The following ERI3 variants were observed in gnomAD, a reference collection of about 807,000 sequenced individuals.
The protein encoded by ERI3 is ERI1 exoribonuclease family member 3.
ERI3 carries 18 observed loss-of-function variants against 44.4 expected under a neutral mutation model. The observed-to-expected ratio is 0.41, with a 90% CI of 0.28 to 0.60. The LOEUF is 0.60. Among genes scored for constraint, ERI3 ranks in the 20% least tolerant of loss-of-function variants. The probability of loss-of-function intolerance (pLI) is 0.36; values close to 1 mark genes in which losing one functional copy is unlikely to be tolerated. For missense variants in ERI3, 294 were observed against 435.5 expected, an observed-to-expected ratio of 0.68 and a Z score of 2.89; for synonymous variants, 183 against 164.8, an observed-to-expected ratio of 1.11 and a Z score of -0.84.
intron 2 of ERI3, among the ~76,000 whole-genome samples, chr1:44,349,101 T>C (rs1261452739): frequency 1.3e-5 from 2 of 152,168 alleles, no homozygotes; most frequent in Admixed American, 1.3e-4. Context: ...TCGATTTGCT[T>C]TACTGATGGT....
chr1:44,322,400 A>T (rs1241144050), intron 3 of ERI3, among the ~76,000 whole-genome samples: 1 of 150,724 alleles, frequency 6.6e-6, no homozygotes, highest in East Asian at 1.9e-4. Context: ...AAAAAAAAGG[A>T]GGGGGGTAGG....
intron 2 of ERI3, among the ~76,000 whole-genome samples, chr1:44,351,773 T>C (rs182494776): frequency 3.3e-5 from 5 of 152,340 alleles, no homozygotes; most frequent in Admixed American, 1.3e-4. Context: ...TTCAGCCACA[T>C]TGAACTTTCT....
At chr1:44,282,797 A>G (rs1645315962) in intron 7 of ERI3, among the ~76,000 whole-genome samples, 1 of 152,234 alleles carries the variant, frequency 6.6e-6, no homozygotes, top group Admixed American at 6.5e-5. Context: ...CACAAGGCCA[A>G]CTAGCAACAG....
chr1:44,251,077 T>C (rs1329537786), intron 7 of ERI3, among the ~76,000 whole-genome samples: 2 of 152,190 alleles, frequency 1.3e-5, no homozygotes, highest in African/African-American at 4.8e-5. Flanking sequence ...GGGTACTGCT[T>C]AGGCACAGCC....
Position 44,287,431 on chromosome 1 carries a change from C to T in ERI3, c.759-2524G>A, listed in dbSNP as rs531898877. Among the ~76,000 whole-genome samples, 23 of 152,328 alleles carry T rather than the reference C, an allele frequency of 1.5e-4. No individual in the cohort carries two copies. In the South Asian group the frequency reaches 3.5e-3, roughly 23 times the overall value. On this transcript the variant is annotated intron_variant, in intron 6 of 8. Transcript: ENST00000372257. ...GACAGATAGTAACAGAAAATTGATC[C>T]CTTTGTTTCAGGCAGTGTATAGTAA... is the stretch of plus-strand genomic sequence containing the variant.
At chr1:44,286,604 A>G (rs1375425608) in intron 6 of ERI3, among the ~76,000 whole-genome samples, 1 of 152,176 alleles carries the variant, frequency 6.6e-6, no homozygotes, top group Non-Finnish European at 1.5e-5. Flanking sequence ...AGTTTTATTG[A>G]GCTAAAATGA....
At chr1:44,344,233 C>CAATAAATAAATA (rs10652551) in intron 2 of ERI3, among the ~76,000 whole-genome samples, 191 of 142,640 alleles carry the variant, frequency 1.3e-3, no homozygotes, top group Middle Eastern at 0.011. Context: ...GACTCCATCT[C>CAATAAATAAATA]AATAAATAAA....
intron 4 of ERI3, among the ~76,000 whole-genome samples, chr1:44,318,779 A>C (rs1646141894): frequency 6.6e-6 from 1 of 152,236 alleles, no homozygotes; most frequent in South Asian, 2.1e-4. Context: ...TGAAGGCACA[A>C]AGTCTCTAAT....
At chr1:44,232,827 T>C (rs909439365) in intron 8 of ERI3, among the ~76,000 whole-genome samples, 1 of 152,212 alleles carries the variant, frequency 6.6e-6, no homozygotes, top group Non-Finnish European at 1.5e-5. Flanking sequence ...GTCTTTTAAC[T>C]AGGTACACAC....
chr1:44,221,764 T>C lies in ERI3; in HGVS notation c.932-124A>G. ...CAGGAGACACAGGCTTTAGAGAGGG[T>C]GGTCCCATCCCCTGGTGGCAGCATT... On this transcript the variant is annotated intron_variant, in intron 8 of 8. Transcript: ENST00000372257. This position sits in a 1 kb window ranked among gnomAD's most constrained non-coding sequence, Gnocchi z 5.9. The C allele has an allele frequency of 1.3e-6, 1 of 742,016 alleles. No individual in the cohort carries two copies. 46.0% of individuals were successfully genotyped at this position (742,016 alleles called of 1,614,324 possible). A position where few individuals can be genotyped will look rare whatever the true frequency, so the allele number is the denominator to read the frequency against.
At chr1:44,292,860 A>G (rs1232024753) in intron 6 of ERI3, among the ~76,000 whole-genome samples, 2 of 152,202 alleles carry the variant, frequency 1.3e-5, no homozygotes, top group Non-Finnish European at 2.9e-5. Flanking sequence ...TACCAGCATG[A>G]CAGCTGGCTC....
At chr1:44,284,711 TAAGAAAAGAGAAGAACAAA>T (rs1645356097) in intron 7 of ERI3, 105 bp downstream of exon 7, 8 of 731,176 alleles carry the variant, frequency 1.1e-5, no homozygotes, top group Non-Finnish European at 1.9e-5. Context: ...AGGATGAAGT[TAAGAAAAGAGAAGAACAAA>T]AAGAAAAAGA....
At chr1:44,237,242 A>T (rs981982951) in intron 8 of ERI3, among the ~76,000 whole-genome samples, 11 of 152,126 alleles carry the variant, frequency 7.2e-5, no homozygotes, top group Non-Finnish European at 1.5e-5. Flanking sequence ...CACCTCCCAC[A>T]AAGGAGCATC....
chr1:44,280,128 T>A (rs943255975), intron 7 of ERI3, among the ~76,000 whole-genome samples: 1 of 152,230 alleles, frequency 6.6e-6, no homozygotes, highest in African/African-American at 2.4e-5. Flanking sequence ...CTCATGCCCA[T>A]TTCTATAAGC....
intron 7 of ERI3, among the ~76,000 whole-genome samples, chr1:44,274,636 T>G (rs1054543421): frequency 2.6e-5 from 4 of 152,164 alleles, no homozygotes; most frequent in African/African-American, 9.7e-5. Context: ...TCCAAGAGCT[T>G]ACCCCAACAG....
chr1:44,331,121 C>T (rs2154330382), intron 3 of ERI3, among the ~76,000 whole-genome samples: 1 of 152,274 alleles, frequency 6.6e-6, no homozygotes, highest in East Asian at 1.9e-4. Flanking sequence ...CACCCCCATG[C>T]CCTCCAGTCG....
At chr1:44,334,334 C>A (rs1293267800) in intron 3 of ERI3, among the ~76,000 whole-genome samples, 2 of 152,216 alleles carry the variant, frequency 1.3e-5, no homozygotes, top group African/African-American at 2.4e-5. Context: ...AAAGATCCCA[C>A]CAAAGCTTTC....
In ERI3 at chr1:44,334,885, C is replaced by G. The variant is rs529247732; in HGVS notation, c.489+4160G>C. ...CTTTAAGATAGTCCCAATAAGCTGA[C>G]TCAACTAACTCAGGAACTTCTGGAA... is the stretch of plus-strand genomic sequence containing the variant. On this transcript the variant is annotated intron_variant, in intron 3 of 8. Coordinates refer to ENST00000372257, the MANE Select transcript of ERI3 (RefSeq NM_024066.3). Among the ~76,000 whole-genome samples, 16 of 152,328 alleles carry G rather than the reference C, an allele frequency of 1.1e-4. No individual in the cohort carries two copies. The South Asian group carries it at 3.1e-3, about 30-fold the overall frequency.
chr1:44,233,956 TTTGA>T (rs1223765108), intron 8 of ERI3, among the ~76,000 whole-genome samples: 1 of 152,204 alleles, frequency 6.6e-6, no homozygotes, highest in Admixed American at 6.5e-5. Context: ...CTTTTCAGGT[TTTGA>T]TTGATAGACA....
Sources: allele counts gnomAD v4.1 joint callset (sites outside exome capture counted in the v4.1 genomes callset), GRCh38; gene constraint gnomAD v4.1.1; non-coding constraint Gnocchi (gnomAD v3.1); transcripts MANE v1.5; gene names NCBI Gene and HGNC (gene_info 2026-07-23, HGNC 2026-07-21).